XDH: variants seen among roughly 807,000 people sequenced by gnomAD.
The protein encoded by XDH is xanthine dehydrogenase, also known as xanthine dehydrogenase/oxidase.
Under a neutral mutation model 156.1 loss-of-function variants are expected in XDH, and 138 were observed. The observed-to-expected ratio is 0.88, with a 90% CI of 0.77 to 1.02. The LOEUF (loss-of-function observed/expected upper bound fraction) is 1.02. Ranked by LOEUF, XDH falls within the 50% of genes least tolerant of loss-of-function variation. The pLI is 0.00. For synonymous variants in XDH, 669 were observed against 625.7 expected, an observed-to-expected ratio of 1.07 and a Z score of -1.03; for missense variants, 1,849 against 1,684.9, an observed-to-expected ratio of 1.10 and a Z score of -1.71.
In XDH at chr2:31,366,896, A is replaced by G. The variant is rs978707077; in HGVS notation, c.2296T>C (p.Ser766Pro). Residue 766 changes from serine to proline, a missense_variant, in exon 21 of 36, where the codon TCT becomes CCT. Transcript: ENST00000379416. Reference protein sequence around the residue: ...GEAGEMELFVSTQNTMKTQSF... With the variant: ...GEAGEMELFVPTQNTMKTQSF... ...TGGGTCTTCATGGTGTTCTGTGTAG[A>G]CACAAAGAGCTCCATCTCCCCTGCC... 1 of 1,614,192 alleles carries G rather than the reference A, an allele frequency of 6.2e-7. No homozygotes were observed. Among genetic ancestry groups the G allele is most frequent in the Non-Finnish European group, 8.5e-7 (1 of 1,180,022 alleles).
rs45449406 is a variant in XDH at position 31,343,770 on chromosome 2, G to T, written c.3404+914C>A. Reference sequence around the variant, plus strand: ...TATATAGGGCATATAAATGTTTTTTGTGTGTATATATGTTTATGCCTTATA... The same window carrying T: ...TATATAGGGCATATAAATGTTTTTTTTGTGTATATATGTTTATGCCTTATA... On this transcript the variant is annotated intron_variant, in intron 31 of 35. Transcript: ENST00000379416. 2.1e-3 allele frequency among the ~76,000 whole-genome samples: 314 copies of T among 148,750 alleles called. 10 individuals carry two copies. In the East Asian group the frequency reaches 0.037, roughly 17 times the overall value.
intron 1 of XDH, among the ~76,000 whole-genome samples, chr2:31,408,186 T>C (rs908756558): frequency 9.9e-5 from 15 of 152,230 alleles, no homozygotes; most frequent in African/African-American, 3.4e-4. Flanking sequence ...GTCATCTTAG[T>C]GCACTAAAAA....
In XDH at chr2:31,387,008, G is replaced by A. The variant is rs13408033; in HGVS notation, c.652-453C>T. 6.4e-3 allele frequency among the ~76,000 whole-genome samples: 156 copies of A among 24,386 alleles called. 3 individuals carry two copies. Among genetic ancestry groups the A allele is most frequent in the African/African-American group, 0.011 (44 of 4,086 alleles). 16.0% of individuals were successfully genotyped at this position (24,386 alleles called of 152,430 possible). ...GGAAGAAAGGAAGGAAGGAAGGAAG[G>A]AAGGAAGGAAGGAAGGAAGGAAGGA... is the stretch of plus-strand genomic sequence containing the variant. On this transcript the variant is annotated intron_variant, in intron 8 of 35. Coordinates refer to ENST00000379416, the MANE Select transcript of XDH (RefSeq NM_000379.4).
chr2:31,410,870 G>A (rs1572576312), intron 1 of XDH, among the ~76,000 whole-genome samples: 1 of 152,164 alleles, frequency 6.6e-6, no homozygotes, highest in Admixed American at 6.5e-5. Context: ...ATTCCGGGCT[G>A]GGGTTGGGGA....
In XDH at chr2:31,405,969, T is replaced by C. The variant is rs771614751; in HGVS notation, c.43-5A>G. ...ATCTGCATTTTTCTCCACCACCTAT[T>C]AAAATAAATGAAAGAAAAATATATC... On this transcript the variant is annotated splice_polypyrimidine_tract_variant and splice_region_variant and intron_variant, in intron 1 of 35. Transcript: ENST00000379416. 1.2e-6 allele frequency: 2 copies of C among 1,614,080 alleles called. No homozygotes were observed. Among genetic ancestry groups the C allele is most frequent in the Non-Finnish European group, 1.7e-6 (2 of 1,179,962 alleles).
In XDH at chr2:31,388,210, GAGA is replaced by G. The variant is rs1230697861; in HGVS notation, c.564+14_564+16del. On this transcript the variant is annotated intron_variant, in intron 7 of 35. Coordinates refer to ENST00000379416, the MANE Select transcript of XDH (RefSeq NM_000379.4). ...CAGATTACCCCCAGGCTTCCAGGGGGAGAAGAACTCACTTACTGAGTGGTCTTT... is the reference window on the plus strand; with the variant it reads ...CAGATTACCCCCAGGCTTCCAGGGGGAGAACTCACTTACTGAGTGGTCTTT... 8.7e-6 allele frequency: 14 copies of G among 1,613,838 alleles called. No homozygotes were observed. Among genetic ancestry groups the G allele is most frequent in the Non-Finnish European group, 1.2e-5 (14 of 1,179,844 alleles).
At chr2:31,357,405 T>TATCAC (rs1347973364) in intron 24 of XDH, among the ~76,000 whole-genome samples, 4 of 152,122 alleles carry the variant, frequency 2.6e-5, no homozygotes, top group African/African-American at 9.7e-5. Context: ...AAACACGGGC[T>TATCAC]ATCACTACAG....
chr2:31,386,308 A>T, intron 9 of XDH, 106 bp downstream of exon 9: 1 of 1,467,134 alleles, frequency 6.8e-7, no homozygotes, highest in South Asian at 1.2e-5. Flanking sequence ...GCAGAGGGAT[A>T]GGGTGCAGAG....
At chr2:31,346,277 C>T (rs1266070926) in intron 30 of XDH, among the ~76,000 whole-genome samples, 1 of 152,158 alleles carries the variant, frequency 6.6e-6, no homozygotes, top group South Asian at 2.1e-4. Flanking sequence ...ATCATAAGTG[C>T]TTGTTCTGTC....
chr2:31,335,069 C>G lies in XDH; in HGVS notation c.*889G>C, dbSNP rs995617567. ...AATTTTTTTTAAAGACAGGAGCTCT[C>G]TATGTTGCCCAGGCTGGTCTCAAAC... On this transcript the variant is annotated 3_prime_UTR_variant, in exon 36 of 36. Coordinates refer to ENST00000379416, the MANE Select transcript of XDH (RefSeq NM_000379.4). 1 of 152,070 alleles carries G rather than the reference C, an allele frequency of 6.6e-6. No homozygotes were observed. Among genetic ancestry groups the G allele is most frequent in the Admixed American group, 6.6e-5 (1 of 15,266 alleles). 9.4% of individuals were successfully genotyped at this position (152,070 alleles called of 1,614,324 possible).
intron 24 of XDH, among the ~76,000 whole-genome samples, chr2:31,353,023 CTCT>C (rs1191804095): frequency 1.4e-5 from 2 of 146,050 alleles, no homozygotes; most frequent in Non-Finnish European, 3.0e-5. Flanking sequence ...ACCCAGCCAC[CTCT>C]TTTTTTTTTT....
At chr2:31,342,428 T>A (rs907524657) in intron 31 of XDH, 131 bp from the exon 32 acceptor site, 1 of 788,966 alleles carries the variant, frequency 1.3e-6, no homozygotes. Context: ...TCCAAAAAAG[T>A]CCATGGTTTG....
chr2:31,399,670 A>G (rs1320434005), intron 4 of XDH, among the ~76,000 whole-genome samples: 1 of 152,178 alleles, frequency 6.6e-6, no homozygotes, highest in Non-Finnish European at 1.5e-5. Context: ...AGATAACTGA[A>G]TCATGGGGGT....
At position 31,340,334 on chromosome 2, in the gene XDH, T is replaced by C. The variant is rs184798266; in HGVS notation, c.3586-657A>G. Among the ~76,000 whole-genome samples, 10 of 152,348 alleles carry C rather than the reference T, an allele frequency of 6.6e-5. No individual in the cohort carries two copies. In the East Asian group the frequency reaches 1.3e-3, roughly 21 times the overall value. ...GTTGTTCAATGAATTAATGAACAGA[T>C]TGACTAATGGCCAGATTTTCGTATA... On this transcript the variant is annotated intron_variant, in intron 33 of 35. Transcript: ENST00000379416.
At chr2:31,391,113 T>G in intron 6 of XDH, among the ~76,000 whole-genome samples, 1 of 152,190 alleles carries the variant, frequency 6.6e-6, no homozygotes, top group East Asian at 1.9e-4. Flanking sequence ...GCTTTACACT[T>G]AGGTTTATGA....
At chr2:31,394,899 T>G (rs745933588) in intron 6 of XDH, among the ~76,000 whole-genome samples, 1 of 152,218 alleles carries the variant, frequency 6.6e-6, no homozygotes, top group Non-Finnish European at 1.5e-5. Context: ...TTCTTAGAAT[T>G]TCCGTTCTCT....
chr2:31,352,092 A>G (rs1264581494), intron 24 of XDH, among the ~76,000 whole-genome samples: 1 of 151,974 alleles, frequency 6.6e-6, no homozygotes, highest in Admixed American at 6.6e-5. Flanking sequence ...TGTTTTTTCC[A>G]TTCTTTCTTT....
intron 24 of XDH, among the ~76,000 whole-genome samples, chr2:31,359,348 T>C (rs1685712191): frequency 1.3e-5 from 2 of 151,474 alleles, no homozygotes; most frequent in African/African-American, 4.9e-5. Context: ...TCTATAGACA[T>C]GTTTAACAAA....
intron 32 of XDH, among the ~76,000 whole-genome samples, chr2:31,341,788 G>A (rs1328421716): frequency 6.6e-6 from 1 of 151,920 alleles, no homozygotes; most frequent in Non-Finnish European, 1.5e-5. Context: ...GTTTTCGTGG[G>A]GCCTGTAGGC....
Sources: gnomAD v4.1 joint callset for allele counts (sites outside exome capture counted in the v4.1 genomes callset) on GRCh38, gnomAD v4.1.1 for gene constraint, MANE v1.5 for transcripts, NCBI Gene and HGNC (gene_info 2026-07-23, HGNC 2026-07-21) for gene names.